Variants in UNC13C observed in about 807,000 individuals in gnomAD.
UNC13C encodes the protein unc-13 homolog C.
In UNC13C, 174 loss-of-function variants were observed where a neutral mutation model predicts 245.4. The ratio of observed to expected loss-of-function variants is 0.71; its 90% CI spans 0.63 to 0.80. UNC13C has a LOEUF of 0.80. Among genes scored for constraint, UNC13C ranks in the 30% least tolerant of loss-of-function variants. The pLI, the probability that UNC13C is intolerant of heterozygous loss-of-function variation, is 0.00. For synonymous variants in UNC13C, 992 were observed against 895.1 expected, an observed-to-expected ratio of 1.11 and a Z score of -1.93; for missense variants, 2,829 against 2,602.9, an observed-to-expected ratio of 1.09 and a Z score of -1.89.
chr15:54,042,121 C>T (rs924626193), intron 2 of UNC13C, among the ~76,000 whole-genome samples: 3 of 152,118 alleles, frequency 2.0e-5, no homozygotes, highest in South Asian at 2.1e-4. Context: ...ATTCTGAAAT[C>T]GGAAAATATT....
At chr15:54,408,045 C>CAA in intron 18 of UNC13C, among the ~76,000 whole-genome samples, 1 of 150,962 alleles carries the variant, frequency 6.6e-6, no homozygotes, top group Admixed American at 6.6e-5. Flanking sequence ...ACTAAAAATA[C>CAA]AAAAAATTAG....
the UNC13C span, among the ~76,000 whole-genome samples, chr15:53,897,137 GTCT>G: frequency 6.6e-6 from 1 of 152,042 alleles, no homozygotes; most frequent in Non-Finnish European, 1.5e-5. Flanking sequence ...TTTACTATTT[GTCT>G]TCTTCACTAG....
At chr15:54,239,061 C>G (rs557500844) in intron 7 of UNC13C, among the ~76,000 whole-genome samples, 2 of 152,312 alleles carry the variant, frequency 1.3e-5, no homozygotes, top group South Asian at 4.1e-4. Context: ...GACAGTTTAT[C>G]TGTGTCCCTC....
chr15:54,059,574 A>T (rs1169036541), intron 2 of UNC13C, among the ~76,000 whole-genome samples: 3 of 152,220 alleles, frequency 2.0e-5, no homozygotes, highest in Non-Finnish European at 4.4e-5. Context: ...CATCCCCATC[A>T]AGCTACCAAT....
chr15:54,617,074 G>A (rs746526958), intron 30 of UNC13C, among the ~76,000 whole-genome samples: 1 of 151,974 alleles, frequency 6.6e-6, no homozygotes, highest in African/African-American at 2.4e-5. Context: ...TACCACCTAG[G>A]TTTGTGTAAG....
At chr15:54,172,710 A>ATG (rs2033454458) in intron 4 of UNC13C, among the ~76,000 whole-genome samples, 1 of 11,512 alleles carries the variant, frequency 8.7e-5, no homozygotes, top group South Asian at 2.1e-3. Context: ...ACAGATATAT[A>ATG]TATATATATA....
chr15:54,383,409 T>G (rs2039769783), intron 17 of UNC13C, among the ~76,000 whole-genome samples: 1 of 152,134 alleles, frequency 6.6e-6, no homozygotes, highest in Non-Finnish European at 1.5e-5. Context: ...TGTGATCTAT[T>G]ATGTCAGCAG....
chr15:54,577,196 A>G (rs182573392), intron 30 of UNC13C, among the ~76,000 whole-genome samples: 1 of 122,000 alleles, frequency 8.2e-6, no homozygotes, highest in East Asian at 2.8e-4. Context: ...AAAGAGAGAA[A>G]AAGACTACTT....
intron 2 of UNC13C, chr15:54,050,385 TTGA>T: frequency 1.8e-6 from 1 of 558,554 alleles, no homozygotes; most frequent in Non-Finnish European, 3.6e-6. Context: ...TTTTCTGTAC[TTGA>T]TAAGTATATT....
At chr15:53,906,548 A>T in the UNC13C span, among the ~76,000 whole-genome samples, 1 of 152,124 alleles carries the variant, frequency 6.6e-6, no homozygotes, top group Non-Finnish European at 1.5e-5. Context: ...TGGCATAGAG[A>T]TGGAACTGTC....
rs1190318326 is a variant in UNC13C at position 54,038,122 on chromosome 15, ATAT to A, written c.2983+22238_2983+22240del. Among the ~76,000 whole-genome samples, 19 of 50,248 alleles carry A rather than the reference ATAT, an allele frequency of 3.8e-4. 2 individuals are homozygous for A. The highest frequency in any genetic ancestry group is 1.8e-3 in the African/African-American group (19 of 10,538). 33.0% of individuals were successfully genotyped at this position (50,248 alleles called of 152,430 possible). ...TACATATATATATATATATATATAT[ATAT>A]TTTTTTTTTTTTTTTCCTGAGACAG... On this transcript the variant is annotated intron_variant, in intron 2 of 32. Coordinates refer to ENST00000260323, the MANE Select transcript of UNC13C (RefSeq NM_001080534.3).
intron 19 of UNC13C, among the ~76,000 whole-genome samples, chr15:54,490,895 G>A (rs994740167): frequency 2.0e-5 from 3 of 151,840 alleles, no homozygotes; most frequent in Non-Finnish European, 4.4e-5. Flanking sequence ...TACCACTATC[G>A]GCAGATCATT....
chr15:54,476,058 G>T (rs1892720775), intron 19 of UNC13C, among the ~76,000 whole-genome samples: 1 of 114,614 alleles, frequency 8.7e-6, no homozygotes. Context: ...CTGATGGCCA[G>T]TGATGATGAG....
chr15:53,935,031 G>A, the UNC13C span, among the ~76,000 whole-genome samples: 1 of 152,230 alleles, frequency 6.6e-6, no homozygotes, highest in African/African-American at 2.4e-5. Context: ...GAAGGAGCCA[G>A]GATGCAGAGA....
intron 19 of UNC13C, among the ~76,000 whole-genome samples, chr15:54,428,426 C>T (rs534752497): frequency 6.6e-6 from 1 of 151,654 alleles, no homozygotes; most frequent in Non-Finnish European, 1.5e-5. Context: ...AGGTTGTCTG[C>T]ATATCTGTTC....
the UNC13C span, among the ~76,000 whole-genome samples, chr15:53,961,541 T>A: frequency 5.3e-5 from 8 of 152,222 alleles, no homozygotes; most frequent in Non-Finnish European, 1.0e-4. Context: ...CATAGAGTGG[T>A]TAACAGTTTA....
chr15:54,085,359 A>T (rs969890334), intron 2 of UNC13C, among the ~76,000 whole-genome samples: 2 of 152,170 alleles, frequency 1.3e-5, no homozygotes, highest in African/African-American at 2.4e-5. Flanking sequence ...ATTAGAGTCC[A>T]GAGTCTTACA....
chr15:53,955,041 A>G, the UNC13C span, among the ~76,000 whole-genome samples: 11 of 152,338 alleles, frequency 7.2e-5, no homozygotes, highest in Admixed American at 7.2e-4. Context: ...CATTTTCATG[A>G]CTATAAGAAG....
chr15:53,862,761 A>G, the UNC13C span, among the ~76,000 whole-genome samples: 2 of 152,158 alleles, frequency 1.3e-5, no homozygotes, highest in Admixed American at 1.3e-4. Context: ...TGGGGGCTTC[A>G]GGACCTCATC....
Sources: allele counts gnomAD v4.1 joint callset (sites outside exome capture counted in the v4.1 genomes callset), GRCh38; gene constraint gnomAD v4.1.1; transcripts MANE v1.5; gene names NCBI Gene and HGNC (gene_info 2026-07-23, HGNC 2026-07-21).